TNNI3K: variants seen among roughly 807,000 people sequenced by gnomAD.
The protein encoded by TNNI3K is serine/threonine-protein kinase TNNI3K.
Under a neutral mutation model 114.5 loss-of-function variants are expected in TNNI3K, and 140 were observed. That is an observed-to-expected ratio of 1.22 (90% CI 1.07 to 1.41). TNNI3K has a LOEUF of 1.41. TNNI3K is among the 40% of genes most tolerant of loss of function. The probability of loss-of-function intolerance (pLI) is 0.00; values close to 1 mark genes in which losing one functional copy is unlikely to be tolerated. For missense variants in TNNI3K, 1,125 were observed against 1,007.6 expected (o/e 1.12, Z -1.58); for synonymous variants, 347 against 347.5 (o/e 1.00, Z 0.02).
intron 4 of TNNI3K, among the ~76,000 whole-genome samples, chr1:74,251,557 A>G (rs978279740): frequency 6.6e-6 from 1 of 152,238 alleles, no homozygotes; most frequent in African/African-American, 2.4e-5. Context: ...AATAGTGATT[A>G]AAGTCAAGTA....
At chr1:74,500,786 A>G (rs1312735129) in intron 23 of TNNI3K, among the ~76,000 whole-genome samples, 1 of 151,822 alleles carries the variant, frequency 6.6e-6, no homozygotes, top group Non-Finnish European at 1.5e-5. Flanking sequence ...CTTCAGGGGG[A>G]AAATGCTATT....
intron 23 of TNNI3K, among the ~76,000 whole-genome samples, chr1:74,514,649 G>T (rs2100392363): frequency 6.6e-6 from 1 of 152,264 alleles, no homozygotes; most frequent in African/African-American, 2.4e-5. Flanking sequence ...AAGGGGGGAA[G>T]CTGGGATTGA....
intron 23 of TNNI3K, among the ~76,000 whole-genome samples, chr1:74,515,468 A>T (rs1010471561): frequency 6.6e-6 from 1 of 152,222 alleles, no homozygotes; most frequent in African/African-American, 2.4e-5. Context: ...GCCAATACAT[A>T]TAGAAATGAT....
At chr1:74,361,165 T>A (rs952413792) in intron 11 of TNNI3K, among the ~76,000 whole-genome samples, 3 of 152,118 alleles carry the variant, frequency 2.0e-5, no homozygotes, top group African/African-American at 7.2e-5. Context: ...AGGCAAAATA[T>A]TTTAAAATAT....
intron 4 of TNNI3K, among the ~76,000 whole-genome samples, chr1:74,258,279 G>T (rs748946326): frequency 1.3e-5 from 2 of 151,750 alleles, no homozygotes; most frequent in African/African-American, 2.4e-5. Context: ...TCTCTGTGCA[G>T]CTTCTTCTTC....
At chr1:74,274,662 G>C (rs1656561620) in intron 5 of TNNI3K, among the ~76,000 whole-genome samples, 1 of 152,052 alleles carries the variant, frequency 6.6e-6, no homozygotes, top group Non-Finnish European at 1.5e-5. Flanking sequence ...TAGGATGGAT[G>C]AGAGTAGGTT....
chr1:74,458,515 G>T (rs1570647137), intron 20 of TNNI3K, among the ~76,000 whole-genome samples: 2 of 152,104 alleles, frequency 1.3e-5, no homozygotes, highest in East Asian at 3.9e-4. Context: ...TTTGCCACTA[G>T]ATTTCAGTAA....
Position 74,290,421 on chromosome 1 carries a change from A to G in TNNI3K, c.444+18713A>G, listed in dbSNP as rs756518165. ...TGCAAACTCTGCATCACATTTTTGC[A>G]TACCTTTTAACCCAGGAAATTCACT... On this transcript the variant is annotated intron_variant, in intron 5 of 24. Coordinates refer to ENST00000326637, the MANE Select transcript of TNNI3K (RefSeq NM_015978.3). 3.3e-5 allele frequency among the ~76,000 whole-genome samples: 5 copies of G among 151,870 alleles called. No homozygotes were observed. The East Asian group carries it at 9.6e-4, about 29-fold the overall frequency.
chr1:74,467,641 A>G (rs1667736053), intron 21 of TNNI3K, among the ~76,000 whole-genome samples: 1 of 152,142 alleles, frequency 6.6e-6, no homozygotes, highest in Non-Finnish European at 1.5e-5. Flanking sequence ...TGAGTTTGAT[A>G]CAAAGGATTT....
chr1:74,254,475 C>T (rs1045800145), intron 4 of TNNI3K, among the ~76,000 whole-genome samples: 7 of 152,070 alleles, frequency 4.6e-5, no homozygotes, highest in African/African-American at 9.7e-5. Context: ...ATTTCTCACC[C>T]GATCCTTGTA....
At chr1:74,266,891 T>C (rs906930949) in intron 4 of TNNI3K, among the ~76,000 whole-genome samples, 2 of 151,996 alleles carry the variant, frequency 1.3e-5, no homozygotes, top group Non-Finnish European at 2.9e-5. Context: ...TCAAATTCTA[T>C]TTCTCAAGGA....
intron 23 of TNNI3K, among the ~76,000 whole-genome samples, chr1:74,519,526 G>A (rs112201400): frequency 1.4e-4 from 17 of 125,664 alleles, no homozygotes; most frequent in African/African-American, 2.3e-4. Flanking sequence ...CTATTTCTCC[G>A]CATCCTCTCC....
At chr1:74,536,344 T>A (rs897345801) in intron 23 of TNNI3K, among the ~76,000 whole-genome samples, 2 of 152,168 alleles carry the variant, frequency 1.3e-5, no homozygotes, top group Non-Finnish European at 2.9e-5. Context: ...CAAAATACAG[T>A]TTACATATTG....
At chr1:74,483,350 G>A in intron 21 of TNNI3K, 1 of 717,388 alleles carries the variant, frequency 1.4e-6, no homozygotes. Context: ...ACCGCAACAT[G>A]ATGGCAAAGA....
chr1:74,524,325 G>A (rs1646474490), intron 23 of TNNI3K, among the ~76,000 whole-genome samples: 1 of 152,226 alleles, frequency 6.6e-6, no homozygotes, highest in African/African-American at 2.4e-5. Flanking sequence ...GGGCCTGCCA[G>A]AAACAGAGGG....
intron 5 of TNNI3K, among the ~76,000 whole-genome samples, chr1:74,313,863 C>T (rs1273692105): frequency 1.3e-5 from 2 of 151,866 alleles, no homozygotes; most frequent in African/African-American, 4.8e-5. Context: ...ATTTAATCCT[C>T]ACTTAATGTT....
intron 21 of TNNI3K, among the ~76,000 whole-genome samples, chr1:74,465,880 T>C (rs930871428): frequency 2.0e-5 from 3 of 152,104 alleles, no homozygotes; most frequent in Non-Finnish European, 4.4e-5. Context: ...ATCAGCAGGA[T>C]GTGGGTGGGG....
At chr1:74,530,241 C>T (rs1458436091) in intron 23 of TNNI3K, among the ~76,000 whole-genome samples, 1 of 152,116 alleles carries the variant, frequency 6.6e-6, no homozygotes, top group Middle Eastern at 3.2e-3. Flanking sequence ...GATAAAAAGC[C>T]ATGGAAAAAG....
At chr1:74,298,019 T>C (rs1399923987) in intron 5 of TNNI3K, among the ~76,000 whole-genome samples, 1 of 152,160 alleles carries the variant, frequency 6.6e-6, no homozygotes, top group Non-Finnish European at 1.5e-5. Flanking sequence ...TCCTCTTCAG[T>C]TTCCCTCCCA....
Sources: gnomAD v4.1 joint callset for allele counts (sites outside exome capture counted in the v4.1 genomes callset) on GRCh38, gnomAD v4.1.1 for gene constraint, MANE v1.5 for transcripts, NCBI Gene and HGNC (gene_info 2026-07-23, HGNC 2026-07-21) for gene names.